The following ALDH1A2 variants were observed in gnomAD, a reference collection of about 807,000 sequenced individuals.
ALDH1A2 encodes aldehyde dehydrogenase 1 family member A2, also known as retinal dehydrogenase 2.
In ALDH1A2, 27 loss-of-function variants were observed where a neutral mutation model predicts 60.3. The ratio of observed to expected loss-of-function variants is 0.45; its 90% CI spans 0.33 to 0.62. The LOEUF is 0.62. ALDH1A2 is among the 20% of genes least tolerant of loss of function. The pLI is 0.02. For synonymous variants in ALDH1A2, 289 were observed against 232.4 expected (o/e 1.24, Z -2.21); for missense variants, 581 against 643.8 (o/e 0.90, Z 1.06).
rs1596064661 is a variant in ALDH1A2, at chr15:57,961,201, C to T, written c.1345G>A (p.Val449Ile). 1 of 1,614,180 alleles carries T rather than the reference C, an allele frequency of 6.2e-7. No individual in the cohort carries two copies. ...GCCTTGTTGATGTCATTAGTAAAGA[C>T]AGCTGCTACGAGTCCAAAGTCTGAG... ...NNSDFGLVAA[V>I]FTNDINKALT... is the part of the protein sequence containing the mutation. Residue 449 changes from valine to isoleucine, a missense_variant, in exon 11 of 13, where the codon GTC (valine) becomes ATC (isoleucine). By Grantham distance (29) the Val-to-Ile change is conservative. Coordinates refer to ENST00000249750, the MANE Select transcript of ALDH1A2 (RefSeq NM_003888.4).
intron 12 of ALDH1A2, 147 bp downstream of exon 12, chr15:57,960,623 G>C: frequency 1.4e-6 from 1 of 705,482 alleles, no homozygotes; most frequent in South Asian, 1.6e-5. Context: ...ACATGTAATA[G>C]AACTTAGCTT....
intron 1 of ALDH1A2, among the ~76,000 whole-genome samples, chr15:58,040,606 A>C (rs16939707): frequency 0.08 from 12,114 of 151,902 alleles, 525 homozygotes; most frequent in East Asian, 0.12. Flanking sequence ...CAGGGCAAAA[A>C]ACTTGAACCT....
chr15:57,962,153 C>G lies in ALDH1A2; in HGVS notation c.1110G>C (p.Lys370Asn). ...GPQIDKKQYN[K>N]ILELIQSGVA... ...CACCACTCTGGATGAGTTCCAAGAT[C>G]TTGTTGTACTGTTTCTTATCAATCT... Residue 370 changes from lysine to asparagine, a missense_variant, in exon 10 of 13, where the codon AAG becomes AAC. Around this residue, in one of 2 missense-constraint regions of ALDH1A2, gnomAD observed 375 missense variants for 469.7 expected, o/e 0.80. Coordinates refer to ENST00000249750, the MANE Select transcript of ALDH1A2 (RefSeq NM_003888.4). 2 of 1,614,158 alleles carry G rather than the reference C, an allele frequency of 1.2e-6. No homozygotes were observed.
At chr15:57,986,403 C>T (rs1894700772) in intron 7 of ALDH1A2, among the ~76,000 whole-genome samples, 1 of 151,588 alleles carries the variant, frequency 6.6e-6, no homozygotes, top group African/African-American at 2.4e-5. Flanking sequence ...CTAGTCTTAA[C>T]AAAGCTTAAA....
intron 1 of ALDH1A2, among the ~76,000 whole-genome samples, chr15:58,053,103 G>A (rs1896816396): frequency 6.6e-6 from 1 of 151,976 alleles, no homozygotes; most frequent in East Asian, 1.9e-4. Flanking sequence ...AAAAATTTAA[G>A]TCCAAGAAAA....
At chr15:58,032,186 T>C (rs1896257682) in intron 1 of ALDH1A2, among the ~76,000 whole-genome samples, 2 of 152,196 alleles carry the variant, frequency 1.3e-5, no homozygotes, top group South Asian at 4.1e-4. Flanking sequence ...TAAAAAATGA[T>C]GAGTTCATGT....
At chr15:57,958,337 GTTTGTGA>G (rs528491886) in intron 12 of ALDH1A2, among the ~76,000 whole-genome samples, 547 of 152,354 alleles carry the variant, frequency 3.6e-3, no homozygotes, top group African/African-American at 0.013. Context: ...CATCTCCTCA[GTTTGTGA>G]CATTTTATGG....
intron 1 of ALDH1A2, among the ~76,000 whole-genome samples, chr15:58,034,663 C>A (rs1293040099): frequency 6.6e-6 from 1 of 151,514 alleles, no homozygotes; most frequent in Admixed American, 6.6e-5. Flanking sequence ...GAGAGTCTTC[C>A]TTCTTTATAT....
intron 7 of ALDH1A2, among the ~76,000 whole-genome samples, chr15:57,972,284 C>A (rs1410325143): frequency 6.6e-6 from 1 of 152,214 alleles, no homozygotes; most frequent in Non-Finnish European, 1.5e-5. Flanking sequence ...AGACCTTCTC[C>A]TGGGAATTGG....
At chr15:58,030,101 G>A (rs1381473649) in intron 1 of ALDH1A2, among the ~76,000 whole-genome samples, 1 of 152,160 alleles carries the variant, frequency 6.6e-6, no homozygotes, top group Non-Finnish European at 1.5e-5. Flanking sequence ...GACAATTTTA[G>A]ACCAATATCC....
At chr15:57,984,895 T>A (rs1174690079) in intron 7 of ALDH1A2, among the ~76,000 whole-genome samples, 1 of 152,246 alleles carries the variant, frequency 6.6e-6, no homozygotes, top group Non-Finnish European at 1.5e-5. Flanking sequence ...TTTTTGTCCT[T>A]TATTCCATTA....
At chr15:57,977,807 T>C (rs747872197) in intron 7 of ALDH1A2, among the ~76,000 whole-genome samples, 1 of 152,244 alleles carries the variant, frequency 6.6e-6, no homozygotes, top group Non-Finnish European at 1.5e-5. Flanking sequence ...CTTTGGGCAG[T>C]ATGGCCATTT....
intron 7 of ALDH1A2, among the ~76,000 whole-genome samples, chr15:57,983,347 G>A (rs750729868): frequency 1.3e-5 from 2 of 152,084 alleles, no homozygotes; most frequent in Non-Finnish European, 2.9e-5. Flanking sequence ...GACTCACGAG[G>A]GTCCTCACAG....
intron 1 of ALDH1A2, among the ~76,000 whole-genome samples, chr15:58,049,517 T>C (rs182918539): frequency 6.6e-6 from 1 of 152,244 alleles, no homozygotes; most frequent in East Asian, 1.9e-4. Flanking sequence ...ATGAGTACTC[T>C]TAAAAAGCTA....
intron 1 of ALDH1A2, among the ~76,000 whole-genome samples, chr15:58,033,578 A>C (rs1229689375): frequency 6.6e-6 from 1 of 151,894 alleles, no homozygotes; most frequent in Non-Finnish European, 1.5e-5. Flanking sequence ...CTTCTCCAGA[A>C]GTTTGTCATA....
chr15:57,995,092 C>T lies in ALDH1A2; in HGVS notation c.541G>A (p.Gly181Arg). The change falls in exon 5 of 13, where the codon GGA becomes AGA. Residue 181 changes from glycine (G) to arginine (R), a missense_variant. By Grantham distance (125) the Gly-to-Arg change is moderately radical. Around this residue, in one of 2 missense-constraint regions of ALDH1A2, gnomAD observed 375 missense variants for 469.7 expected, o/e 0.80. Transcript: ENST00000249750. ...FTRHEPIGVC[G>R]QIIPWNFPLL... Reference sequence around the variant, plus strand: ...AATACACTCACTGGGATGATCTGTCCACACACTCCAATGGGTTCATGTCTT... The same window carrying T: ...AATACACTCACTGGGATGATCTGTCTACACACTCCAATGGGTTCATGTCTT... 3 of 1,612,478 alleles carry T rather than the reference C, an allele frequency of 1.9e-6. No homozygotes were observed. The highest frequency in any genetic ancestry group is 2.5e-6 in the Non-Finnish European group (3 of 1,179,028).
chr15:57,987,743 G>A (rs1894752935), intron 7 of ALDH1A2, among the ~76,000 whole-genome samples: 1 of 152,006 alleles, frequency 6.6e-6, no homozygotes. Context: ...AAATTAACCA[G>A]GCATGGTAGC....
At chr15:58,026,716 CTCCCATGCCAGGTTCGGCGGG>C (rs774448277) in intron 1 of ALDH1A2, among the ~76,000 whole-genome samples, 2 of 152,212 alleles carry the variant, frequency 1.3e-5, no homozygotes, top group Non-Finnish European at 2.9e-5. Flanking sequence ...AACGTATTCC[CTCCCATGCCAGGTTCGGCGGG>C]TCCCATGCCC....
chr15:57,984,091 G>A (rs1451821079), intron 7 of ALDH1A2, among the ~76,000 whole-genome samples: 3 of 152,186 alleles, frequency 2.0e-5, no homozygotes, highest in Non-Finnish European at 4.4e-5. Context: ...ATGGGAGGGT[G>A]TATAGTCCCT....
Sources: gnomAD v4.1 joint callset for allele counts (sites outside exome capture counted in the v4.1 genomes callset) on GRCh38, gnomAD v4.1.1 for gene constraint, gnomAD v4.1.1 regional missense constraint, MANE v1.5 for transcripts, NCBI Gene and HGNC (gene_info 2026-07-23, HGNC 2026-07-21) for gene names.